The following CCSER1 variants were observed in gnomAD, a reference collection of about 807,000 sequenced individuals.
CCSER1 encodes the protein serine-rich coiled-coil domain-containing protein 1.
In CCSER1, 41 loss-of-function variants were observed where a neutral mutation model predicts 82.0. That is an observed-to-expected ratio of 0.50 (90% CI 0.39 to 0.65). CCSER1 has a LOEUF of 0.65. Among genes scored for constraint, CCSER1 ranks in the 30% least tolerant of loss-of-function variants. CCSER1 has a pLI of 0.00. For synonymous variants in CCSER1, 414 were observed against 383.9 expected (o/e 1.08, Z -0.92); for missense variants, 1,119 against 1,064.2 (o/e 1.05, Z -0.72).
At chr4:90,410,971 C>A (rs1001337447) in intron 4 of CCSER1, among the ~76,000 whole-genome samples, 1 of 152,126 alleles carries the variant, frequency 6.6e-6, no homozygotes, top group African/African-American at 2.4e-5. Flanking sequence ...GAAATACAAA[C>A]CAGCATCAGA....
At chr4:90,525,582 C>A (rs541453270) in intron 5 of CCSER1, among the ~76,000 whole-genome samples, 1 of 152,126 alleles carries the variant, frequency 6.6e-6, no homozygotes, top group African/African-American at 2.4e-5. Context: ...TTTCTTCTCT[C>A]AATTACCCTT....
intron 8 of CCSER1, among the ~76,000 whole-genome samples, chr4:90,869,967 A>T (rs564395906): frequency 6.6e-6 from 1 of 151,952 alleles, no homozygotes; most frequent in South Asian, 2.1e-4. Context: ...GCTATTGTAA[A>T]TGGGAACACT....
At chr4:90,513,857 T>C (rs1338957885) in intron 5 of CCSER1, among the ~76,000 whole-genome samples, 1 of 152,114 alleles carries the variant, frequency 6.6e-6, no homozygotes, top group South Asian at 2.1e-4. Flanking sequence ...TGTGATCTGA[T>C]GTTACGAGTT....
At chr4:90,404,129 G>A (rs1753347821) in intron 4 of CCSER1, 1 of 152,244 alleles carries the variant, frequency 6.6e-6, no homozygotes, top group South Asian at 2.1e-4. Flanking sequence ...GACACGATGG[G>A]AGTGAGATAG....
intron 6 of CCSER1, among the ~76,000 whole-genome samples, chr4:90,692,217 G>C (rs1736137375): frequency 6.6e-6 from 1 of 151,470 alleles, no homozygotes; most frequent in African/African-American, 2.4e-5. Flanking sequence ...TTTATTTATA[G>C]ACAGTTTGTC....
chr4:90,513,234 T>C (rs909681546), intron 5 of CCSER1, among the ~76,000 whole-genome samples: 1 of 152,172 alleles, frequency 6.6e-6, no homozygotes, highest in Non-Finnish European at 1.5e-5. Flanking sequence ...TTTAACAGGA[T>C]GGTTAGGCCA....
At chr4:91,516,585 G>A (rs1314480501) in intron 10 of CCSER1, among the ~76,000 whole-genome samples, 1 of 152,068 alleles carries the variant, frequency 6.6e-6, no homozygotes, top group Non-Finnish European at 1.5e-5. Flanking sequence ...TTTTGTATTG[G>A]TACTATACTG....
At chr4:90,602,159 G>T (rs1979770) in intron 5 of CCSER1, among the ~76,000 whole-genome samples, 67,386 of 151,632 alleles carry the variant, frequency 0.44, 17,302 homozygotes, top group African/African-American at 0.72. Flanking sequence ...GGCATTTTCA[G>T]TCTATCAGTT....
At chr4:90,984,674 A>G (rs1736426343) in intron 9 of CCSER1, among the ~76,000 whole-genome samples, 1 of 151,746 alleles carries the variant, frequency 6.6e-6, no homozygotes, top group Non-Finnish European at 1.5e-5. Flanking sequence ...AGAGGGGGAA[A>G]AATTGAAAGA....
intron 1 of CCSER1, among the ~76,000 whole-genome samples, chr4:90,243,379 G>A (rs192731806): frequency 2.6e-5 from 4 of 152,152 alleles, no homozygotes; most frequent in Non-Finnish European, 1.5e-5. Context: ...CTCCTGAGTA[G>A]CTGGGATTAC....
At chr4:91,526,575 A>G (rs999681793) in intron 10 of CCSER1, among the ~76,000 whole-genome samples, 1 of 152,056 alleles carries the variant, frequency 6.6e-6, no homozygotes, top group African/African-American at 2.4e-5. Flanking sequence ...TGGCAATAAT[A>G]TCCACCCTTT....
chr4:91,174,121 G>A (rs1444722757), intron 10 of CCSER1, among the ~76,000 whole-genome samples: 1 of 152,138 alleles, frequency 6.6e-6, no homozygotes. Context: ...AAGTACTATT[G>A]AGAATTCTGA....
In CCSER1 at chr4:91,286,138, A is replaced by C. The variant is rs530161976; in HGVS notation, c.2217+200144A>C. On this transcript the variant is annotated intron_variant, in intron 10 of 10. Transcript: ENST00000509176. ...CAGTCAAGAAATTTTCCTTAACAAT[A>C]ATTTGAAATGGAATTTAGCAACAGA... Among the ~76,000 whole-genome samples, 3 of 151,774 alleles carry C rather than the reference A, an allele frequency of 2.0e-5. No homozygotes were observed. In the South Asian group the frequency reaches 6.2e-4, roughly 31 times the overall value.
chr4:90,271,447 A>G (rs1341524389), intron 1 of CCSER1, among the ~76,000 whole-genome samples: 1 of 152,130 alleles, frequency 6.6e-6, no homozygotes, highest in Admixed American at 6.6e-5. Flanking sequence ...ATGCAGAAGA[A>G]TGAAACTAGA....
chr4:90,452,057 C>T (rs1343278734), intron 4 of CCSER1, among the ~76,000 whole-genome samples: 3 of 152,078 alleles, frequency 2.0e-5, no homozygotes, highest in Admixed American at 2.0e-4. Flanking sequence ...GCAATTAGCT[C>T]ATCTAGTTGA....
At chr4:90,449,512 A>T (rs1761137688) in intron 4 of CCSER1, among the ~76,000 whole-genome samples, 1 of 152,134 alleles carries the variant, frequency 6.6e-6, no homozygotes, top group Admixed American at 6.5e-5. Context: ...CATGACGCTC[A>T]TGGTGCCCAG....
At chr4:90,484,126 T>A (rs1766572989) in intron 5 of CCSER1, among the ~76,000 whole-genome samples, 1 of 152,232 alleles carries the variant, frequency 6.6e-6, no homozygotes, top group South Asian at 2.1e-4. Context: ...ATTCATTTCA[T>A]CTTCCATCAC....
At chr4:90,300,499 A>G (rs957077043) in intron 1 of CCSER1, among the ~76,000 whole-genome samples, 6 of 152,190 alleles carry the variant, frequency 3.9e-5, no homozygotes, top group Non-Finnish European at 7.4e-5. Flanking sequence ...TAGTACTTGC[A>G]TTTAAGTGCC....
In CCSER1 at chr4:91,454,417, G is replaced by A. The variant is rs186999543; in HGVS notation, c.2218-144155G>A. Reference sequence around the variant, plus strand: ...TAGTCACATTGTTTTCTGCCTCTGCGGTCAAATTTCCCTCCACCTTCTACT... The same window carrying A: ...TAGTCACATTGTTTTCTGCCTCTGCAGTCAAATTTCCCTCCACCTTCTACT... On this transcript the variant is annotated intron_variant, in intron 10 of 10. Transcript: ENST00000509176. Among the ~76,000 whole-genome samples the A allele has an allele frequency of 4.6e-5, 7 of 151,926 alleles. No homozygotes were observed. In the East Asian group the frequency reaches 5.8e-4, roughly 13 times the overall value.
Sources: gnomAD v4.1 joint callset for allele counts (sites outside exome capture counted in the v4.1 genomes callset) on GRCh38, gnomAD v4.1.1 for gene constraint, MANE v1.5 for transcripts, NCBI Gene and HGNC (gene_info 2026-07-23, HGNC 2026-07-21) for gene names.